The following TCHH variants were observed in gnomAD, a reference collection of about 807,000 sequenced individuals.
The protein encoded by TCHH is trichohyalin.
A neutral mutation model predicts 6.3 loss-of-function variants in TCHH; 6 were observed. The ratio of observed to expected loss-of-function variants is 0.95; its 90% confidence interval spans 0.52 to 1.88. The LOEUF is 1.88. Ranked by LOEUF, TCHH falls within the 40% of genes most tolerant of loss-of-function variation. The pLI is 0.01. For synonymous variants in TCHH, 1,087 were observed against 963.6 expected, an observed-to-expected ratio of 1.13 and a Z score of -2.37; for missense variants, 2,920 against 2,449.1, an observed-to-expected ratio of 1.19 and a Z score of -4.06.
rs574377133 is a variant in TCHH at position 152,108,634 on chromosome 1, T to C, written c.4583A>G (p.Gln1528Arg). ...CTCCTGGAGGAATTTTCTCTGCCGT[T>C]GCTGGCGGTGCAGCTGCTGTTCCTC... Reference protein sequence around the residue: ...LEEEQQLHRQQRQRKFLQEEQ... With the variant: ...LEEEQQLHRQRRQRKFLQEEQ... Residue 1528 changes from glutamine (Q) to arginine (R), a missense_variant, in exon 3 of 3, where the codon CAA becomes CGA. Coordinates refer to ENST00000614923, the MANE Select transcript of TCHH (RefSeq NM_007113.4). The C allele has an allele frequency of 3.2e-5, 51 of 1,601,230 alleles. 1 individual carries two copies. Among genetic ancestry groups the C allele is most frequent in the Non-Finnish European group, 4.0e-5 (47 of 1,174,930 alleles).
At position 152,106,783 on chromosome 1, in the gene TCHH, A is replaced by G. The variant is rs894540682; in HGVS notation, c.*602T>C. ...TCAAAGCTAAACCTATTCTTAACAG[A>G]TATTTCTTCCAGTAATGGGCTGATT... On this transcript the variant is annotated 3_prime_UTR_variant, in exon 3 of 3. Transcript: ENST00000614923. The G allele has an allele frequency of 2.6e-5, 4 of 152,208 alleles. No homozygotes were observed. Among genetic ancestry groups the G allele is most frequent in the Admixed American group, 1.3e-4 (2 of 15,274 alleles). 9.4% of individuals were successfully genotyped at this position (152,208 alleles called of 1,614,324 possible).
Position 152,111,189 on chromosome 1 carries a change from A to G in TCHH, c.2028T>C (p.His676=), listed in dbSNP as rs556430208. 6.4e-6 allele frequency: 10 copies of G among 1,559,220 alleles called. No homozygotes were observed. In the South Asian group the frequency reaches 1.2e-4, roughly 18 times the overall value. Reference sequence around the variant, plus strand: ...GCTCCTGCTCGCGCCTCTCTTCCTCATGCTCGCGCTTCAGCCGCTGCTCGA... The same window carrying G: ...GCTCCTGCTCGCGCCTCTCTTCCTCGTGCTCGCGCTTCAGCCGCTGCTCGA... ...ERLEQRLKRE[H]EEERREQELA... The change falls in exon 3 of 3, where the codon CAT becomes CAC. Residue 676 remains histidine, a synonymous_variant. Transcript: ENST00000614923.
Position 152,112,545 on chromosome 1 carries a change from C to T in TCHH, c.672G>A (p.Glu224=). 2 of 1,613,502 alleles carry T rather than the reference C, an allele frequency of 1.2e-6. No homozygotes were observed. Among genetic ancestry groups the T allele is most frequent in the East Asian group, 2.2e-5 (1 of 44,840 alleles). Residue 224 remains glutamate, a synonymous_variant, in exon 3 of 3, where the codon GAG becomes GAA. Coordinates refer to ENST00000614923, the MANE Select transcript of TCHH (RefSeq NM_007113.4). ...GCTCTCGCCTTTGCTGCTGTTTCTC[C>T]TCGCGGCCCTTCCTCCTCAGCTCCA... ...ELLELRRKGR[E]EKQQQRRERQ...
Position 152,107,708 on chromosome 1 carries a change from G to T in TCHH, c.5509C>A (p.Leu1837Met), listed in dbSNP as rs771848907. Reference sequence around the variant, plus strand: ...TACTGCCGGTCTCGCTCCTGCCGCAGCCTCTGCTCTTGTTCCTCAAGTTGG... The same window carrying T: ...TACTGCCGGTCTCGCTCCTGCCGCATCCTCTGCTCTTGTTCCTCAAGTTGG... ...QLQLEEQEQR[L>M]RQERDRQYRA... Residue 1837 changes from leucine (L) to methionine (M), a missense_variant, in exon 3 of 3, where the codon CTG becomes ATG. By Grantham distance (15) the Leu-to-Met change is conservative (BLOSUM62 2). Transcript: ENST00000614923. The T allele has an allele frequency of 6.2e-7, 1 of 1,613,252 alleles. No individual in the cohort carries two copies.
In TCHH at chr1:152,108,581, C is replaced by G; in HGVS notation, c.4636G>C (p.Gly1546Arg). 6.2e-7 allele frequency: 1 copy of G among 1,608,364 alleles called. No homozygotes were observed. Among genetic ancestry groups the G allele is most frequent in the Non-Finnish European group, 8.5e-7 (1 of 1,178,644 alleles). ...EEQQLRRQER[G>R]QQRRQDRDRK... Reference sequence around the variant, plus strand: ...TCACGGTCCTGACGCCGCTGTTGCCCGCGCTCCTGGCGGCGCAGCTGCTGT... The same window carrying G: ...TCACGGTCCTGACGCCGCTGTTGCCGGCGCTCCTGGCGGCGCAGCTGCTGT... The change falls in exon 3 of 3, where the codon GGG (glycine) becomes CGG (arginine). Residue 1546 changes from glycine (G) to arginine (R), a missense_variant. Coordinates refer to ENST00000614923, the MANE Select transcript of TCHH (RefSeq NM_007113.4).
chr1:152,110,147 CT>C lies in TCHH; in HGVS notation c.3069del (p.Asp1024ThrfsTer11). On this transcript the variant is annotated frameshift_variant, in exon 3 of 3. Coordinates refer to ENST00000614923, the MANE Select transcript of TCHH (RefSeq NM_007113.4). LOFTEE classifies it low-confidence loss of function (END_TRUNC). ...TGCTCTTCTTCCTGCTGCAGCTCGTCTTTTTTGCGGTACTGCCTCTCCCACT... is the reference window on the plus strand; with the variant it reads ...TGCTCTTCTTCCTGCTGCAGCTCGTCTTTTTGCGGTACTGCCTCTCCCACT... ...RQEWERQYRK[K>X]DELQQEEEQL... The C allele has an allele frequency of 6.2e-7, 1 of 1,607,806 alleles. No individual in the cohort carries two copies. The highest frequency in any genetic ancestry group is 1.4e-5 in the African/African-American group (1 of 73,434).
Position 152,107,753 on chromosome 1 carries a change from G to T in TCHH, c.5464C>A (p.Arg1822Ser), listed in dbSNP as rs766731225. The change falls in exon 3 of 3, where the codon CGC becomes AGC. Residue 1822 changes from arginine (R) to serine (S), a missense_variant. By Grantham distance (110) the Arg-to-Ser change is moderately radical. Coordinates refer to ENST00000614923, the MANE Select transcript of TCHH (RefSeq NM_007113.4). ...AGTTGGAGCTGCTCTTCTTCCCAGC[G>T]ATACTTTCCGTCACGCTGTTGGGGG... is the stretch of plus-strand genomic sequence containing the variant. ...LRPQQRDGKY[R>S]WEEEQLQLEE... The T allele has an allele frequency of 5.0e-6, 8 of 1,614,054 alleles. No individual in the cohort carries two copies. The Admixed American group carries it at 1.2e-4, about 24-fold the overall frequency.
Position 152,108,437 on chromosome 1 carries a change from C to T in TCHH, c.4780G>A (p.Glu1594Lys). 1 of 1,612,450 alleles carries T rather than the reference C, an allele frequency of 6.2e-7. No homozygotes were observed. Among genetic ancestry groups the T allele is most frequent in the South Asian group, 1.1e-5 (1 of 90,986 alleles). Reference protein sequence around the residue: ...EEQKVRRQEQERKFMEDEQQL... With the variant: ...EEQKVRRQEQKRKFMEDEQQL... ...TGTTCGTCCTCCATGAATTTTCTCT[C>T]TTGTTCCTGGCGGCGCACTTTCTGT... The change falls in exon 3 of 3, where the codon GAG becomes AAG. Residue 1594 changes from glutamate (E) to lysine (K), a missense_variant. Glu to Lys is a moderately conservative substitution (Grantham distance 56). Transcript: ENST00000614923.
rs115769840 is a variant in TCHH, at chr1:152,111,411, C to A, written c.1806G>T (p.Leu602=). 7.8e-4 allele frequency: 1,254 copies of A among 1,611,540 alleles called. 13 individuals are homozygous for A. The African/African-American group carries it at 0.011, about 14-fold the overall frequency. Residue 602 remains leucine (L), a synonymous_variant, in exon 3 of 3, where the codon CTG becomes CTT. Transcript: ENST00000614923. ...CGAGTCTCTCCACCTCCTCGCGCTT[C>A]AGTCGCTGCTCGAGCCTCTCTTCCT... ...REQEERLEQR[L]KREEVERLEQ... is the part of the protein sequence containing the mutation.
At chr1:152,115,038 G>C (rs1658476941) in intron 1 of TCHH, among the ~76,000 whole-genome samples, 1 of 152,208 alleles carries the variant, frequency 6.6e-6, no homozygotes, top group Non-Finnish European at 1.5e-5. Context: ...CTTAAATGCT[G>C]TGACTGTATG....
At position 152,109,033 on chromosome 1, in the gene TCHH, T is replaced by C. The variant is rs1658221286; in HGVS notation, c.4184A>G (p.Glu1395Gly). The C allele has an allele frequency of 6.2e-7, 1 of 1,613,680 alleles. No homozygotes were observed. The highest frequency in any genetic ancestry group is 1.3e-5 in the African/African-American group (1 of 74,814). Residue 1395 changes from glutamate (E) to glycine (G), a missense_variant, in exon 3 of 3, where the codon GAG becomes GGG. Transcript: ENST00000614923. ...RQERERKFLK[E>G]EQQLRCQERE... ...CTCCTGGCAGCGCAGCTGCTGTTCC[T>C]CCTTAAGGAATTTTCTCTCCCGTTC... is the stretch of plus-strand genomic sequence containing the variant.
rs768244346 is a variant in TCHH at position 152,110,683 on chromosome 1, C to G, written c.2534G>C (p.Arg845Pro). Residue 845 changes from arginine (R) to proline (P), a missense_variant, in exon 3 of 3, where the codon CGT becomes CCT. Arg to Pro is a moderately radical substitution (Grantham distance 103). Transcript: ENST00000614923. ...CTCCTCCTCCTGGAGCTGTTGGGCA[C>G]GCTCCCGCCGCTGGAGCTGCTCCTC... Reference protein sequence around the residue: ...EEEEQLQRRERAQQLQEEEDG... With the variant: ...EEEEQLQRREPAQQLQEEEDG... 6.2e-7 allele frequency: 1 copy of G among 1,612,164 alleles called. No individual in the cohort carries two copies.
chr1:152,107,679 C>CCGGTACTGCCGGTCT lies in TCHH; in HGVS notation c.5523_5537dup (p.Asp1842_Arg1846dup), dbSNP rs535325232. ...CCTGCGTGGCAAACTGCTCCTCCGC[C>CCGGTACTGCCGGTCT]CGGTACTGCCGGTCTCGCTCCTGCC... On this transcript the variant is annotated inframe_insertion, in exon 3 of 3. Coordinates refer to ENST00000614923, the MANE Select transcript of TCHH (RefSeq NM_007113.4). The CCGGTACTGCCGGTCT allele has an allele frequency of 7.0e-4, 1,128 of 1,614,162 alleles. 5 individuals carry two copies. The African/African-American group carries it at 0.013, about 18-fold the overall frequency.
chr1:152,110,561 G>A lies in TCHH; in HGVS notation c.2656C>T (p.Arg886Cys). Reference protein sequence around the residue: ...WQLEEERKRRRHTLYAKPALQ... With the variant: ...WQLEEERKRRCHTLYAKPALQ... ...GCTGGCTTGGCGTACAGCGTGTGGC[G>A]GCGTCTCTTCCTTTCTTCTTCTAGT... The change falls in exon 3 of 3, where the codon CGC becomes TGC. Residue 886 changes from arginine to cysteine, a missense_variant. Physicochemically the swap from Arg to Cys is radical, Grantham distance 180. Coordinates refer to ENST00000614923, the MANE Select transcript of TCHH (RefSeq NM_007113.4). 1 of 1,614,098 alleles carries A rather than the reference G, an allele frequency of 6.2e-7. No homozygotes were observed. The highest frequency in any genetic ancestry group is 8.5e-7 in the Non-Finnish European group (1 of 1,180,018).
Position 152,111,195 on chromosome 1 carries a change from G to A in TCHH, c.2022C>T (p.Arg674=), listed in dbSNP as rs200281012. 3.4e-5 allele frequency: 54 copies of A among 1,608,416 alleles called. No homozygotes were observed. Among genetic ancestry groups the A allele is most frequent in the Non-Finnish European group, 4.3e-5 (51 of 1,178,222 alleles). ...EEERLEQRLK[R]EHEEERREQE... is the part of the protein sequence containing the mutation. ...GCTCGCGCCTCTCTTCCTCATGCTC[G>A]CGCTTCAGCCGCTGCTCGAGCCTCT... The change falls in exon 3 of 3, where the codon CGC becomes CGT. Residue 674 remains arginine, a synonymous_variant. Coordinates refer to ENST00000614923, the MANE Select transcript of TCHH (RefSeq NM_007113.4).
chr1:152,109,146 C>G lies in TCHH; in HGVS notation c.4071G>C (p.Glu1357Asp), dbSNP rs1034721760. 3 of 1,613,816 alleles carry G rather than the reference C, an allele frequency of 1.9e-6. No individual in the cohort carries two copies. Among genetic ancestry groups the G allele is most frequent in the Non-Finnish European group, 2.5e-6 (3 of 1,179,818 alleles). The change falls in exon 3 of 3, where the codon GAG becomes GAC. Residue 1357 changes from glutamate to aspartate, a missense_variant. Physicochemically the swap from Glu to Asp is conservative, Grantham distance 45. Coordinates refer to ENST00000614923, the MANE Select transcript of TCHH (RefSeq NM_007113.4). Reference sequence around the variant, plus strand: ...CCTCTTCGCGGAATTTTCTGTCACGCTCTTGGCGGCGCAGCGGCTGTTCCT... The same window carrying G: ...CCTCTTCGCGGAATTTTCTGTCACGGTCTTGGCGGCGCAGCGGCTGTTCCT... Reference protein sequence around the residue: ...EREEQPLRRQERDRKFREEEL... With the variant: ...EREEQPLRRQDRDRKFREEEL...
At position 152,110,361 on chromosome 1, in the gene TCHH, T is replaced by G; in HGVS notation, c.2856A>C (p.Arg952Ser). 1.3e-6 allele frequency: 2 copies of G among 1,591,172 alleles called. No individual in the cohort carries two copies. Among genetic ancestry groups the G allele is most frequent in the Middle Eastern group, 1.7e-4 (1 of 5,940 alleles). ...GATATTGCCTTTCCCGCTCCTGGCGTCTTCTTTTCTCCCGTTCCTCTCTCA... is the reference window on the plus strand; with the variant it reads ...GATATTGCCTTTCCCGCTCCTGGCGGCTTCTTTTCTCCCGTTCCTCTCTCA... ...QLLREEREKRRRQERERQYRK... is the reference protein window; with the variant it reads ...QLLREEREKRSRQERERQYRK... The change falls in exon 3 of 3, where the codon AGA (arginine) becomes AGC (serine). Residue 952 changes from arginine (R) to serine (S), a missense_variant. Arg to Ser is a moderately radical substitution (Grantham distance 110). Coordinates refer to ENST00000614923, the MANE Select transcript of TCHH (RefSeq NM_007113.4).
In TCHH at chr1:152,110,771, C is replaced by G. The variant is rs200420041; in HGVS notation, c.2446G>C (p.Glu816Gln). Residue 816 changes from glutamate to glutamine, a missense_variant, in exon 3 of 3, where the codon GAG (glutamate) becomes CAG (glutamine). Transcript: ENST00000614923. ...CGCTGGCGGCGCCGCTGCTCCTTCT[C>G]CTCCTCCTCCGGGAGAAACCGTTGT... ...REQRFLPEEE[E>Q]KEQRRRQRRE... 6.2e-7 allele frequency: 1 copy of G among 1,607,086 alleles called. No individual in the cohort carries two copies. The highest frequency in any genetic ancestry group is 8.5e-7 in the Non-Finnish European group (1 of 1,179,570).
intron 1 of TCHH, among the ~76,000 whole-genome samples, chr1:152,115,165 T>C (rs1352131733): frequency 6.6e-6 from 1 of 152,198 alleles, no homozygotes; most frequent in African/African-American, 2.4e-5. Flanking sequence ...TCATCCTTGA[T>C]GTGCAGAAGT....
Sources: gnomAD v4.1 joint callset for allele counts (sites outside exome capture counted in the v4.1 genomes callset) on GRCh38, gnomAD v4.1.1 for gene constraint, MANE v1.5 for transcripts, NCBI Gene and HGNC (gene_info 2026-07-23, HGNC 2026-07-21) for gene names.